The following ODF2 variants were observed in gnomAD, a reference collection of about 807,000 sequenced individuals.
ODF2 encodes the protein outer dense fiber protein 2.
A neutral mutation model predicts 110.2 loss-of-function variants in ODF2; 47 were observed. The ratio of observed to expected loss-of-function variants is 0.43; its 90% CI spans 0.34 to 0.54. The LOEUF is 0.54. Among genes scored for constraint, ODF2 ranks in the 20% least tolerant of loss-of-function variants. The pLI, the probability that ODF2 is intolerant of heterozygous loss-of-function variation, is 0.03. For synonymous variants in ODF2, 352 were observed against 397.7 expected, an observed-to-expected ratio of 0.89 and a Z score of 1.37; for missense variants, 812 against 1,054.5, an observed-to-expected ratio of 0.77 and a Z score of 3.19.
upstream of ODF2, chr9:128,455,395 C>G: frequency 2.3e-6 from 1 of 439,696 alleles, no homozygotes; most frequent in Admixed American, 4.1e-5. Flanking sequence ...ACTAAAAATA[C>G]AAAAAAAAAT....
At chr9:128,466,138 C>CAA in intron 4 of ODF2, among the ~76,000 whole-genome samples, 1 of 134,254 alleles carries the variant, frequency 7.4e-6, no homozygotes, top group East Asian at 2.2e-4. Flanking sequence ...GTCTCCATCT[C>CAA]AAAAAAAAAA....
At chr9:128,455,919 T>C (rs1349161374), upstream of ODF2, 45 of 1,374,692 alleles carry the variant, frequency 3.3e-5, no homozygotes, top group Non-Finnish European at 4.1e-5. Flanking sequence ...AGGCCTTGAA[T>C]GGGGGGCGAG....
At chr9:128,464,897 T>A (rs77254164) in intron 4 of ODF2, among the ~76,000 whole-genome samples, 24 of 668 alleles carry the variant, frequency 0.036, no homozygotes, top group South Asian at 0.5. Context: ...GTTTCACCGT[T>A]TTAGCCGGGA....
chr9:128,500,183 C>T lies in ODF2; in HGVS notation c.2418C>T (p.Asn806=), dbSNP rs779037856. 1.4e-5 allele frequency: 22 copies of T among 1,614,130 alleles called. No homozygotes were observed. The East Asian group carries it at 2.0e-4, about 15-fold the overall frequency. Reference sequence around the variant, plus strand: ...AGTTCCTCAAATCATCATACGCCAACGTGTTTGGGGATGGTCCCTATTCCA... The same window carrying T: ...AGTTCCTCAAATCATCATACGCCAATGTGTTTGGGGATGGTCCCTATTCCA... The change falls in exon 21 of 21, where the codon AAC becomes AAT. Residue 806 remains asparagine, a synonymous_variant. Coordinates refer to ENST00000604420, the Ensembl canonical transcript of ODF2.
chr9:128,496,163 C>A (rs937298590), intron 18 of ODF2, 22 bp downstream of exon 18: 3 of 1,613,196 alleles, frequency 1.9e-6, no homozygotes, highest in Non-Finnish European at 2.5e-6. Flanking sequence ...TTGGTCCCAT[C>A]TCTGTCCTCT....
exon 20 of ODF2, chr9:128,499,064 C>T (rs1176806106): frequency 1.2e-6 from 2 of 1,614,210 alleles, no homozygotes. Flanking sequence ...AATCCTGGAC[C>T]TTGAGACCCA....
At chr9:128,471,218 C>T (rs1321719867) in intron 5 of ODF2, 90 bp from the exon 6 acceptor site, 15 of 1,350,532 alleles carry the variant, frequency 1.1e-5, no homozygotes, top group Non-Finnish European at 1.5e-5. Flanking sequence ...CCGGCCGGGG[C>T]CTTATTTTGG....
At position 128,485,745 on chromosome 9, in the gene ODF2, C is replaced by T. The variant is rs567449904; in HGVS notation, c.1400+271C>T. On this transcript the variant is annotated intron_variant, in intron 13 of 20. Transcript: ENST00000604420. This position sits in a 1 kb window ranked among gnomAD's most constrained non-coding sequence, Gnocchi z 5.0. ...CTGGTCAGAGGTGTGGGTCTGACTTCATCACCTGGGCCTGATCCTGTCCTC... is the reference window on the plus strand; with the variant it reads ...CTGGTCAGAGGTGTGGGTCTGACTTTATCACCTGGGCCTGATCCTGTCCTC... Among the ~76,000 whole-genome samples, 1 of 152,188 alleles carries T rather than the reference C, an allele frequency of 6.6e-6. No individual in the cohort carries two copies. Among genetic ancestry groups the T allele is most frequent in the East Asian group, 1.9e-4 (1 of 5,166 alleles).
chr9:128,492,934 A>G, intron 16 of ODF2, 129 bp downstream of exon 16: 1 of 696,108 alleles, frequency 1.4e-6, no homozygotes, highest in Non-Finnish European at 2.5e-6. Flanking sequence ...TCATTTTCTC[A>G]TTGGTGGGCT....
rs1482315297 is a variant in ODF2, at chr9:128,474,459, C to T, written c.843+718C>T. ...GGTGAGCTGAGATCGCGTCACTGCA[C>T]TCTAGCCTGGGCGACAGAGCGAGAT... On this transcript the variant is annotated intron_variant, in intron 8 of 20. Transcript: ENST00000604420. 2.0e-5 allele frequency among the ~76,000 whole-genome samples: 3 copies of T among 151,484 alleles called. No homozygotes were observed. In the East Asian group the frequency reaches 5.9e-4, roughly 30 times the overall value.
chr9:128,470,119 T>G (rs1191223478), intron 5 of ODF2, among the ~76,000 whole-genome samples: 1 of 143,652 alleles, frequency 7.0e-6, no homozygotes, highest in African/African-American at 2.6e-5. Flanking sequence ...GTGCTCTCTC[T>G]TGGGGTGGGA....
At chr9:128,481,505 T>C in intron 8 of ODF2, 75 bp from the exon 9 acceptor site, 1 of 1,167,762 alleles carries the variant, frequency 8.6e-7, no homozygotes, top group Non-Finnish European at 1.2e-6. Context: ...TTGGAAAAGG[T>C]AAAGAATCAA....
intron 6 of ODF2, 71 bp downstream of exon 6, chr9:128,471,539 A>G: frequency 6.6e-7 from 1 of 1,504,546 alleles, no homozygotes; most frequent in East Asian, 2.4e-5. Context: ...CCTGGGCAAT[A>G]ATGGAAAGCA....
intron 14 of ODF2, among the ~76,000 whole-genome samples, chr9:128,490,733 C>CAT (rs946890063): frequency 6.6e-6 from 1 of 152,210 alleles, no homozygotes; most frequent in African/African-American, 2.4e-5. Context: ...AGCACACACA[C>CAT]ATCCACTCAT....
At chr9:128,487,941 G>A in exon 14 of ODF2, 1 of 1,614,066 alleles carries the variant, frequency 6.2e-7, no homozygotes, top group East Asian at 2.2e-5. Context: ...AGAAGATGCG[G>A]GAAGACCGGG....
intron 14 of ODF2, 56 bp downstream of exon 14, chr9:128,488,081 G>A (rs1475211199): frequency 1.2e-6 from 2 of 1,605,762 alleles, no homozygotes; most frequent in African/African-American, 1.3e-5. Context: ...GAGCTGATGA[G>A]GGGTCTTGTC....
At chr9:128,469,019 T>C in intron 4 of ODF2, 164 bp from the exon 5 acceptor site, 1 of 584,276 alleles carries the variant, frequency 1.7e-6, no homozygotes, top group Non-Finnish European at 3.0e-6. Flanking sequence ...TAAACATGGA[T>C]AGGTAATGTT....
At chr9:128,493,692 G>A (rs142544063) in intron 16 of ODF2, among the ~76,000 whole-genome samples, 28 of 152,294 alleles carry the variant, frequency 1.8e-4, no homozygotes, top group African/African-American at 4.1e-4. Context: ...CTCAGTCTCC[G>A]TGTTAAGTAC....
chr9:128,481,102 A>G (rs935442877), intron 8 of ODF2, among the ~76,000 whole-genome samples: 23 of 152,194 alleles, frequency 1.5e-4, no homozygotes, highest in Admixed American at 1.2e-3. Flanking sequence ...AGGTGGGTAC[A>G]GGAGGAACTG....
Sources: gnomAD v4.1 joint callset for allele counts (sites outside exome capture counted in the v4.1 genomes callset) on GRCh38, gnomAD v4.1.1 for gene constraint, Gnocchi (gnomAD v3.1) non-coding constraint, MANE v1.5 for transcripts, NCBI Gene and HGNC (gene_info 2026-07-23, HGNC 2026-07-21) for gene names.